HIP1: variants seen among roughly 807,000 people sequenced by gnomAD.
HIP1 encodes huntingtin interacting protein 1.
A neutral mutation model predicts 147.6 loss-of-function variants in HIP1; 65 were observed. The observed-to-expected ratio is 0.44, with a 90% confidence interval of 0.36 to 0.54. The LOEUF is 0.54. Among genes scored for constraint, HIP1 ranks in the 20% least tolerant of loss-of-function variants. HIP1 has a pLI of 0.00. For synonymous variants in HIP1, 479 were observed against 504.0 expected (o/e 0.95, Z 0.67); for missense variants, 1,061 against 1,299.6 (o/e 0.82, Z 2.82).
chr7:75,648,741 G>T lies in HIP1; in HGVS notation c.121-49494C>A, dbSNP rs146654813. ...CAAGGAGAGACATGAGACGTGCTGTGGGAAGGAAGGCGGCACAGAGACACC... is the reference window on the plus strand; with the variant it reads ...CAAGGAGAGACATGAGACGTGCTGTTGGAAGGAAGGCGGCACAGAGACACC... On this transcript the variant is annotated intron_variant, in intron 1 of 30. Coordinates refer to ENST00000336926, the MANE Select transcript of HIP1 (RefSeq NM_005338.7). Among the ~76,000 whole-genome samples the T allele has an allele frequency of 9.2e-5, 14 of 152,206 alleles. No homozygotes were observed. The East Asian group carries it at 2.5e-3, about 27-fold the overall frequency.
intron 1 of HIP1, among the ~76,000 whole-genome samples, chr7:75,634,161 G>A (rs782494315): frequency 3.3e-5 from 5 of 152,152 alleles, no homozygotes; most frequent in South Asian, 4.2e-4. Flanking sequence ...TTGGGAGGCC[G>A]AGATGGGAGG....
At chr7:75,711,660 C>T (rs1433905670) in intron 1 of HIP1, among the ~76,000 whole-genome samples, 1 of 152,176 alleles carries the variant, frequency 6.6e-6, no homozygotes, top group Non-Finnish European at 1.5e-5. Flanking sequence ...AAGATGGAAA[C>T]CAGAGGAGAG....
chr7:75,610,846 AT>A (rs1374448624), intron 1 of HIP1, among the ~76,000 whole-genome samples: 5 of 139,308 alleles, frequency 3.6e-5, no homozygotes, highest in East Asian at 2.1e-4. Context: ...CTATTAAAAA[AT>A]ATATATATAT....
intron 24 of HIP1, 32 bp from the exon 25 acceptor site, chr7:75,547,064 G>A (rs1554491191): frequency 2.0e-6 from 3 of 1,505,264 alleles, no homozygotes; most frequent in Non-Finnish European, 2.7e-6. Context: ...GATACACTGA[G>A]ATCAAGATCC....
intron 1 of HIP1, among the ~76,000 whole-genome samples, chr7:75,728,947 A>C (rs1801739741): frequency 6.6e-6 from 1 of 151,062 alleles, no homozygotes; most frequent in South Asian, 2.1e-4. Context: ...GGTGGGGGGA[A>C]GTGGGGTGAA....
chr7:75,636,173 C>T (rs1798421469), intron 1 of HIP1, among the ~76,000 whole-genome samples: 1 of 151,660 alleles, frequency 6.6e-6, no homozygotes, highest in Non-Finnish European at 1.5e-5. Flanking sequence ...GAAACTCTGT[C>T]TCTACTAAAA....
intron 1 of HIP1, among the ~76,000 whole-genome samples, chr7:75,679,606 G>A (rs1372193529): frequency 3.9e-5 from 6 of 152,114 alleles, no homozygotes; most frequent in African/African-American, 7.2e-5. Flanking sequence ...CCACTCCGTT[G>A]TTCCTGAAAC....
In HIP1 at chr7:75,537,929, C is replaced by T; in HGVS notation, c.*243G>A. ...CGTACCTAGGCTTGCTCATGGGCAGCACTGGCCAGCCTGGATGCTAACTAG... is the reference window on the plus strand; with the variant it reads ...CGTACCTAGGCTTGCTCATGGGCAGTACTGGCCAGCCTGGATGCTAACTAG... On this transcript the variant is annotated 3_prime_UTR_variant, in exon 31 of 31. Coordinates refer to ENST00000336926, the MANE Select transcript of HIP1 (RefSeq NM_005338.7). 1.8e-6 allele frequency: 1 copy of T among 554,252 alleles called. No individual in the cohort carries two copies. The highest frequency in any genetic ancestry group is 3.3e-6 in the Non-Finnish European group (1 of 303,572). 34.3% of individuals were successfully genotyped at this position (554,252 alleles called of 1,614,324 possible). A position where few individuals can be genotyped will look rare whatever the true frequency, so the allele number is the denominator to read the frequency against.
At chr7:75,729,305 CAAAAAAAAAAAA>C (rs35202804) in intron 1 of HIP1, among the ~76,000 whole-genome samples, 4 of 49,208 alleles carry the variant, frequency 8.1e-5, no homozygotes, top group Admixed American at 3.1e-4. Context: ...CTTGTCTCTG[CAAAAAAAAAAAA>C]AAAAAAAAAA....
chr7:75,620,485 G>A (rs1009901581), intron 1 of HIP1, among the ~76,000 whole-genome samples: 2 of 151,530 alleles, frequency 1.3e-5, no homozygotes, highest in Non-Finnish European at 2.9e-5. Context: ...TCAGAAGTTC[G>A]AGACCAGCCT....
At chr7:75,554,336 C>T in intron 20 of HIP1, 104 bp downstream of exon 20, 1 of 1,276,476 alleles carries the variant, frequency 7.8e-7, no homozygotes, top group South Asian at 1.2e-5. Flanking sequence ...TGCCTACATG[C>T]CTTTCTTGAT....
chr7:75,727,922 C>T (rs77579040), intron 1 of HIP1, among the ~76,000 whole-genome samples: 2,986 of 151,954 alleles, frequency 0.02, 58 homozygotes, highest in African/African-American at 0.052. Flanking sequence ...GCCACTGACC[C>T]GGCTTCCGCT....
chr7:75,592,749 C>G (rs868936630), intron 2 of HIP1, among the ~76,000 whole-genome samples: 1 of 152,124 alleles, frequency 6.6e-6, no homozygotes, highest in South Asian at 2.1e-4. Flanking sequence ...AGCTAAGACA[C>G]CACAGAACTG....
At position 75,541,926 on chromosome 7, in the gene HIP1, T is replaced by G; in HGVS notation, c.2945A>C (p.Asp982Ala). ...TACAGATGGAGCTCTCACCTGAGAA[T>G]CCATCTCTTGGCGTTTGATCTGTGT... ...TLTQIKRQEM[D>A]SQVRVLELEN... Residue 982 changes from aspartate to alanine, a missense_variant, in exon 29 of 31, where the codon GAT becomes GCT. Asp to Ala is a moderately radical substitution (Grantham distance 126, BLOSUM62 -2). Around this residue, in one of 3 missense-constraint regions of HIP1, gnomAD observed 810 missense variants for 946.8 expected, o/e 0.86. Coordinates refer to ENST00000336926, the MANE Select transcript of HIP1 (RefSeq NM_005338.7). The G allele has an allele frequency of 6.2e-7, 1 of 1,612,180 alleles. No individual in the cohort carries two copies.
At chr7:75,585,185 C>CTTT (rs71098036) in intron 5 of HIP1, among the ~76,000 whole-genome samples, 2 of 133,448 alleles carry the variant, frequency 1.5e-5, no homozygotes, top group Non-Finnish European at 3.2e-5. Context: ...CCCAAAACGT[C>CTTT]TTTTTTTTTT....
chr7:75,632,228 C>T (rs782646530), intron 1 of HIP1, among the ~76,000 whole-genome samples: 1 of 152,168 alleles, frequency 6.6e-6, no homozygotes, highest in Non-Finnish European at 1.5e-5. Flanking sequence ...AGGACTCAGC[C>T]ATCCTCAGCC....
chr7:75,561,200 T>A, intron 13 of HIP1, 129 bp downstream of exon 13: 1 of 764,600 alleles, frequency 1.3e-6, no homozygotes, highest in Non-Finnish European at 2.4e-6. Flanking sequence ...GTAATCCTCC[T>A]GCCTTGGCCT....
intron 1 of HIP1, among the ~76,000 whole-genome samples, chr7:75,614,475 C>T (rs1464226719): frequency 2.0e-5 from 3 of 152,034 alleles, no homozygotes; most frequent in Admixed American, 2.0e-4. Context: ...AAATGGGACA[C>T]AATGTGTGAT....
chr7:75,577,055 G>C (rs1336060866), intron 7 of HIP1, among the ~76,000 whole-genome samples: 1 of 152,058 alleles, frequency 6.6e-6, no homozygotes, highest in East Asian at 1.9e-4. Flanking sequence ...CAGGAGGCTG[G>C]GGTTGGTGGC....
Sources: gnomAD v4.1 joint callset for allele counts (sites outside exome capture counted in the v4.1 genomes callset) on GRCh38, gnomAD v4.1.1 for gene constraint, gnomAD v4.1.1 regional missense constraint, MANE v1.5 for transcripts, NCBI Gene and HGNC (gene_info 2026-07-23, HGNC 2026-07-21) for gene names.